The following AFAP1 variants were observed in gnomAD, a reference collection of about 807,000 sequenced individuals.
AFAP1 encodes actin filament-associated protein 1.
Under a neutral mutation model 93.9 loss-of-function variants are expected in AFAP1, and 75 were observed. The observed-to-expected ratio is 0.80, with a 90% CI of 0.66 to 0.97. AFAP1 has a LOEUF of 0.97. Ranked by LOEUF, AFAP1 falls within the 50% of genes least tolerant of loss-of-function variation. The pLI is 0.00. For synonymous variants in AFAP1, 517 were observed against 430.7 expected (o/e 1.20, Z -2.48); for missense variants, 1,201 against 1,050.8 (o/e 1.14, Z -1.98).
At chr4:7,776,602 G>T (rs529639556) in intron 14 of AFAP1, 1 of 152,072 alleles carries the variant, frequency 6.6e-6, no homozygotes, top group Admixed American at 6.6e-5. Context: ...TTCTTGCAAC[G>T]TAAGTTATCA....
intron 10 of AFAP1, 22 bp from the exon 11 acceptor site, chr4:7,793,848 T>G: frequency 2.0e-6 from 3 of 1,508,974 alleles, no homozygotes; most frequent in Non-Finnish European, 2.7e-6. Flanking sequence ...GGAAAAAAGG[T>G]AGGCTGTATT....
At chr4:7,767,682 C>A (rs371158389) in intron 17 of AFAP1, among the ~76,000 whole-genome samples, 1 of 152,110 alleles carries the variant, frequency 6.6e-6, no homozygotes, top group Non-Finnish European at 1.5e-5. Flanking sequence ...TTCTCAGGGG[C>A]CCTCCTGTGA....
rs768679907 is a variant in AFAP1, at chr4:7,786,301, T to C, written c.1423A>G (p.Arg475Gly). ...TAKQTFCFMN[R>G]RVISANPYLG... Reference sequence around the variant, plus strand: ...TATGGGTTAGCAGATATAACACGCCTGTTCATGAAACTGAAAGAAAGGAAA... The same window carrying C: ...TATGGGTTAGCAGATATAACACGCCCGTTCATGAAACTGAAAGAAAGGAAA... The change falls in exon 12 of 18, where the codon AGG (arginine) becomes GGG (glycine). Residue 475 changes from arginine to glycine, a missense_variant. Physicochemically the swap from Arg to Gly is moderately radical, Grantham distance 125. Transcript: ENST00000420658. 1.4e-5 allele frequency: 22 copies of C among 1,613,456 alleles called. No individual in the cohort carries two copies. In the Admixed American group the frequency reaches 3.7e-4, roughly 27 times the overall value.
intron 10 of AFAP1, among the ~76,000 whole-genome samples, chr4:7,794,859 A>AC (rs1718242308): frequency 1.3e-5 from 2 of 152,188 alleles, no homozygotes; most frequent in Non-Finnish European, 2.9e-5. Context: ...TTAGAAAATC[A>AC]GTTACATTTT....
chr4:7,831,744 T>C (rs1711645457), intron 6 of AFAP1, among the ~76,000 whole-genome samples: 1 of 152,186 alleles, frequency 6.6e-6, no homozygotes, highest in Admixed American at 6.5e-5. Flanking sequence ...CGGCCTTTTT[T>C]GGGTTTCCAC....
At position 7,855,551 on chromosome 4, in the gene AFAP1, T is replaced by A. The variant is rs1714954265; in HGVS notation, c.249A>T (p.Pro83=). The change falls in exon 4 of 18, where the codon CCA becomes CCT. Residue 83 remains proline, a synonymous_variant. Transcript: ENST00000420658. ...CTTCTGGGAGGGAGGATGTTGGCAA[T>A]GGTGGAGGCCCACTGTCAGGAGGCT... ...PWLPPDSGPP[P]LPTSSLPEGY... 2.5e-6 allele frequency: 4 copies of A among 1,613,920 alleles called. No individual in the cohort carries two copies. The East Asian group carries it at 8.9e-5, about 36-fold the overall frequency.
Position 7,781,378 on chromosome 4 carries a change from G to C in AFAP1, c.1780C>G (p.Gln594Glu). ...VGRASLGLNS[Q>E]LKGKKPPVAS... ...TCTTACAGAAGAAGATGCCGTACCT[G>C]CGAGTTGAGCCCGAGAGACGCCCTC... The change falls in exon 13 of 18, where the codon CAG becomes GAG. Residue 594 changes from glutamine (Q) to glutamate (E), a missense_variant and splice_region_variant. Physicochemically the swap from Gln to Glu is conservative, Grantham distance 29. Transcript: ENST00000420658. The C allele has an allele frequency of 6.4e-7, 1 of 1,551,444 alleles. No individual in the cohort carries two copies. The highest frequency in any genetic ancestry group is 8.7e-7 in the Non-Finnish European group (1 of 1,146,742).
chr4:7,830,402 G>A (rs1721784111), intron 6 of AFAP1, among the ~76,000 whole-genome samples: 1 of 152,184 alleles, frequency 6.6e-6, no homozygotes, highest in South Asian at 2.1e-4. Flanking sequence ...ACATGTGCTG[G>A]AAGACCTCAC....
chr4:7,791,560 T>G (rs1187351196), intron 11 of AFAP1, among the ~76,000 whole-genome samples: 2 of 152,054 alleles, frequency 1.3e-5, no homozygotes, highest in Non-Finnish European at 2.9e-5. Flanking sequence ...GTTATTCACT[T>G]AAAAGTAGCA....
At position 7,778,712 on chromosome 4, in the gene AFAP1, C is replaced by A. The variant is rs200351510; in HGVS notation, c.1897+50G>T. The A allele has an allele frequency of 7.1e-5, 112 of 1,573,074 alleles. No homozygotes were observed. In the African/African-American group the frequency reaches 1.4e-3, roughly 20 times the overall value. ...GGGCAGGCTCAGACAGGCCCAGCTC[C>A]ACCAAGTGCACTTGAAGCCGGAATG... On this transcript the variant is annotated intron_variant, in intron 14 of 17. Transcript: ENST00000420658.
chr4:7,883,245 T>C (rs1344956530), intron 1 of AFAP1, among the ~76,000 whole-genome samples: 2 of 147,442 alleles, frequency 1.4e-5, no homozygotes, highest in Admixed American at 1.3e-4. Flanking sequence ...AATCTACTGA[T>C]ATATTCACCA....
intron 3 of AFAP1, among the ~76,000 whole-genome samples, chr4:7,858,455 T>G (rs1216247896): frequency 2.6e-5 from 4 of 152,150 alleles, no homozygotes; most frequent in Non-Finnish European, 5.9e-5. Context: ...TTCAGACACT[T>G]CAGGCTTGTT....
chr4:7,790,524 T>C (rs1717768725), intron 11 of AFAP1, among the ~76,000 whole-genome samples: 1 of 152,194 alleles, frequency 6.6e-6, no homozygotes, highest in Non-Finnish European at 1.5e-5. Flanking sequence ...ATACTTGCAA[T>C]TACATGTGGA....
At chr4:7,889,542 CAAAAAAA>C (rs576725041) in intron 1 of AFAP1, among the ~76,000 whole-genome samples, 2 of 60,680 alleles carry the variant, frequency 3.3e-5, no homozygotes, top group African/African-American at 1.2e-4. Flanking sequence ...AACTCCATCC[CAAAAAAA>C]AAAAAAAAAG....
At chr4:7,936,819 G>A (rs1721415935) in intron 1 of AFAP1, among the ~76,000 whole-genome samples, 1 of 152,050 alleles carries the variant, frequency 6.6e-6, no homozygotes, top group South Asian at 2.1e-4. Flanking sequence ...CTAACCTCGT[G>A]ATCTGCCTGC....
At chr4:7,776,784 TAAC>T in intron 14 of AFAP1, 1 of 152,290 alleles carries the variant, frequency 6.6e-6, no homozygotes, top group East Asian at 1.9e-4. Context: ...CAGCTAAGGT[TAAC>T]AACATATTTG....
At chr4:7,934,547 A>T (rs781064533) in intron 1 of AFAP1, among the ~76,000 whole-genome samples, 4 of 151,950 alleles carry the variant, frequency 2.6e-5, no homozygotes, top group Non-Finnish European at 4.4e-5. Flanking sequence ...TTGTACTCCC[A>T]CTACCACTGT....
In AFAP1 at chr4:7,818,520, A is replaced by G. The variant is rs140137377; in HGVS notation, c.822+556T>C. Among the ~76,000 whole-genome samples, 13 of 152,310 alleles carry G rather than the reference A, an allele frequency of 8.5e-5. No homozygotes were observed. The East Asian group carries it at 2.1e-3, about 25-fold the overall frequency. On this transcript the variant is annotated intron_variant, in intron 7 of 17. Coordinates refer to ENST00000420658, the MANE Select transcript of AFAP1 (RefSeq NM_001134647.2). ...GAAGCCAGGGGTCTCCAAGGAAACAATATCAGTTGGATTTAGACAAGCAAA... is the reference window on the plus strand; with the variant it reads ...GAAGCCAGGGGTCTCCAAGGAAACAGTATCAGTTGGATTTAGACAAGCAAA...
At chr4:7,769,275 G>GGGAT (rs2148951772) in intron 16 of AFAP1, among the ~76,000 whole-genome samples, 1 of 152,280 alleles carries the variant, frequency 6.6e-6, no homozygotes, top group South Asian at 2.1e-4. Flanking sequence ...CAGTGAGGGT[G>GGGAT]GGATTCCTGC....
Sources: allele counts gnomAD v4.1 joint callset (sites outside exome capture counted in the v4.1 genomes callset), GRCh38; gene constraint gnomAD v4.1.1; transcripts MANE v1.5; gene names NCBI Gene and HGNC (gene_info 2026-07-23, HGNC 2026-07-21).